PEAK1: variants seen among roughly 807,000 people sequenced by gnomAD.
PEAK1 encodes pseudopodium enriched atypical kinase 1.
Under a neutral mutation model 124.7 loss-of-function variants are expected in PEAK1, and 54 were observed. The ratio of observed to expected loss-of-function variants is 0.43; its 90% CI spans 0.35 to 0.54. PEAK1 has a LOEUF of 0.54. PEAK1 is among the 20% of genes least tolerant of loss of function. The pLI is 0.01. For synonymous variants in PEAK1, 719 were observed against 760.0 expected (o/e 0.95, Z 0.89); for missense variants, 2,046 against 2,134.5 (o/e 0.96, Z 0.82).
Position 77,115,006 on chromosome 15 carries a change from C to T in PEAK1, c.4391G>A (p.Arg1464Lys). 1 of 1,614,170 alleles carries T rather than the reference C, an allele frequency of 6.2e-7. No homozygotes were observed. Among genetic ancestry groups the T allele is most frequent in the East Asian group, 2.2e-5 (1 of 44,856 alleles). The change falls in exon 10 of 10, where the codon AGG becomes AAG. Residue 1464 changes from arginine to lysine, a missense_variant. Coordinates refer to ENST00000682557, the MANE Select transcript of PEAK1 (RefSeq NM_001385026.1). ...AGCCACAGTAAGACATGGAACCTCC[C>T]TGGTGATGACCACAACGTGGCTCCT... is the stretch of plus-strand genomic sequence containing the variant. Reference protein sequence around the residue: ...KQRSHVVVITREVPCLTVADF... With the variant: ...KQRSHVVVITKEVPCLTVADF...
intron 6 of PEAK1, among the ~76,000 whole-genome samples, chr15:77,245,042 C>G (rs966201452): frequency 6.6e-6 from 1 of 152,140 alleles, no homozygotes; most frequent in Admixed American, 6.5e-5. Flanking sequence ...TTCCCCCTAC[C>G]ACTTCAATGT....
At position 77,274,840 on chromosome 15, in the gene PEAK1, A is replaced by T. The variant is rs1766354721; in HGVS notation, c.-275+9043T>A. The stretch of plus-strand genomic sequence containing the variant: ...ATCTATTCAGAGGAAAAAAAAGGTC[A>T]TTATACAAAAAAGATACTTGCACAT... On this transcript the variant is annotated intron_variant, in intron 5 of 9. Transcript: ENST00000682557. 2.6e-5 allele frequency among the ~76,000 whole-genome samples: 4 copies of T among 152,178 alleles called. No individual in the cohort carries two copies. The South Asian group carries it at 8.3e-4, about 32-fold the overall frequency.
chr15:77,376,028 T>C (rs939831709), intron 1 of PEAK1, among the ~76,000 whole-genome samples: 1 of 149,050 alleles, frequency 6.7e-6, no homozygotes, highest in Non-Finnish European at 1.5e-5. Context: ...AATAAATAAA[T>C]AAATAAATAA....
At chr15:77,138,656 G>A (rs1299312786) in intron 8 of PEAK1, among the ~76,000 whole-genome samples, 1 of 152,152 alleles carries the variant, frequency 6.6e-6, no homozygotes, top group African/African-American at 2.4e-5. Flanking sequence ...TTGAGGCCAG[G>A]AGTTTGAGAC....
chr15:77,252,581 T>C, intron 5 of PEAK1, 55 bp from the exon 6 acceptor site: 1 of 892,684 alleles, frequency 1.1e-6, no homozygotes, highest in Non-Finnish European at 1.3e-6. Context: ...TTCAAATATA[T>C]TGGACATCTT....
At chr15:77,246,048 C>A (rs547043069) in intron 6 of PEAK1, among the ~76,000 whole-genome samples, 1 of 150,378 alleles carries the variant, frequency 6.6e-6, no homozygotes, top group Non-Finnish European at 1.5e-5. Context: ...CTCACTCTGT[C>A]GCCAGGCTGG....
At chr15:77,277,336 T>C (rs1321835048) in intron 5 of PEAK1, among the ~76,000 whole-genome samples, 1 of 152,154 alleles carries the variant, frequency 6.6e-6, no homozygotes, top group Non-Finnish European at 1.5e-5. Context: ...TGTGTGACTA[T>C]AAAGAGGCAG....
intron 6 of PEAK1, among the ~76,000 whole-genome samples, chr15:77,196,099 A>G (rs2058089517): frequency 6.6e-6 from 1 of 152,184 alleles, no homozygotes; most frequent in South Asian, 2.1e-4. Context: ...GATCTTACAG[A>G]CTCATCAAGG....
At chr15:77,281,749 T>G (rs1465959943) in intron 5 of PEAK1, among the ~76,000 whole-genome samples, 1 of 152,160 alleles carries the variant, frequency 6.6e-6, no homozygotes, top group Non-Finnish European at 1.5e-5. Context: ...AAAATAAACG[T>G]GGCATACATA....
intron 9 of PEAK1, among the ~76,000 whole-genome samples, chr15:77,116,771 C>T (rs1419493708): frequency 6.6e-6 from 1 of 151,978 alleles, no homozygotes; most frequent in Non-Finnish European, 1.5e-5. Flanking sequence ...AGCACAAGTT[C>T]CTTCAAGTCT....
At chr15:77,275,750 G>T (rs917496774) in intron 5 of PEAK1, among the ~76,000 whole-genome samples, 1 of 151,234 alleles carries the variant, frequency 6.6e-6, no homozygotes, top group Non-Finnish European at 1.5e-5. Flanking sequence ...TTTAAAAAAA[G>T]GAAAAAAGAA....
chr15:77,187,291 T>C (rs1227183197), intron 6 of PEAK1, among the ~76,000 whole-genome samples: 1 of 152,074 alleles, frequency 6.6e-6, no homozygotes, highest in Non-Finnish European at 1.5e-5. Flanking sequence ...TATTCAAGAG[T>C]GGCCTATTTC....
At chr15:77,353,351 C>T (rs1053810539) in intron 2 of PEAK1, among the ~76,000 whole-genome samples, 4 of 152,110 alleles carry the variant, frequency 2.6e-5, no homozygotes, top group African/African-American at 7.2e-5. Context: ...GGCTGCTATA[C>T]AGCAACGTTG....
intron 5 of PEAK1, among the ~76,000 whole-genome samples, chr15:77,278,095 C>G (rs1002190253): frequency 6.6e-6 from 1 of 152,014 alleles, no homozygotes; most frequent in Non-Finnish European, 1.5e-5. Flanking sequence ...GAATGCTATA[C>G]GCTCGTGGGC....
At chr15:77,344,044 C>T (rs898529054) in intron 2 of PEAK1, among the ~76,000 whole-genome samples, 23 of 152,134 alleles carry the variant, frequency 1.5e-4, no homozygotes, top group Non-Finnish European at 2.8e-4. Flanking sequence ...TCTCGCCACC[C>T]TTGTTGAAAA....
At chr15:77,343,913 T>C (rs1462704638) in intron 2 of PEAK1, among the ~76,000 whole-genome samples, 1 of 152,210 alleles carries the variant, frequency 6.6e-6, no homozygotes, top group African/African-American at 2.4e-5. Context: ...CTTTGATCAA[T>C]GTTGGGTTAG....
Position 77,377,456 on chromosome 15 carries a change from CT to C in PEAK1, c.-665-12232del, listed in dbSNP as rs879298852. On this transcript the variant is annotated intron_variant, in intron 1 of 9. Transcript: ENST00000682557. ...GGAAAAATACAATGTTATATATACT[CT>C]TTTTTTTTTTTTTGAGATGGAGTCT... 2.5e-3 allele frequency among the ~76,000 whole-genome samples: 351 copies of C among 143,238 alleles called. 1 individual carries two copies. The highest frequency in any genetic ancestry group is 7.4e-3 in the Middle Eastern group (2 of 270). The allele number at this position is 143,238 out of a possible 152,430, so 94.0% of individuals were successfully genotyped here.
rs1257587894 is a variant in PEAK1, at chr15:77,219,798, A to G, written c.-115+32569T>C. 2.6e-5 allele frequency among the ~76,000 whole-genome samples: 4 copies of G among 152,194 alleles called. No individual in the cohort carries two copies. The East Asian group carries it at 7.7e-4, about 29-fold the overall frequency. ...AACTGAAAACAATATGTAGCAATTA[A>G]AAAGTACTCATTATCTTCAAAACAC... On this transcript the variant is annotated intron_variant, in intron 6 of 9. Transcript: ENST00000682557.
intron 8 of PEAK1, among the ~76,000 whole-genome samples, chr15:77,149,475 T>A (rs1457105724): frequency 6.6e-6 from 1 of 152,212 alleles, no homozygotes; most frequent in African/African-American, 2.4e-5. Flanking sequence ...AGTTATCAAG[T>A]CTTTAAATCA....
Sources: gnomAD v4.1 joint callset for allele counts (sites outside exome capture counted in the v4.1 genomes callset) on GRCh38, gnomAD v4.1.1 for gene constraint, MANE v1.5 for transcripts, NCBI Gene and HGNC (gene_info 2026-07-23, HGNC 2026-07-21) for gene names.